Variants in MATN2 observed in about 807,000 individuals in gnomAD.
MATN2 encodes matrilin-2.
Under a neutral mutation model 103.2 loss-of-function variants are expected in MATN2, and 69 were observed. That is an observed-to-expected ratio of 0.67 (90% confidence interval 0.55 to 0.82). MATN2 has a LOEUF of 0.82. Ranked by LOEUF, MATN2 falls within the 40% of genes least tolerant of loss-of-function variation. The probability of loss-of-function intolerance (pLI) is 0.00; values close to 1 mark genes in which losing one functional copy is unlikely to be tolerated. For synonymous variants in MATN2, 429 were observed against 450.2 expected (o/e 0.95, Z 0.60); for missense variants, 1,023 against 1,211.5 (o/e 0.84, Z 2.31).
chr8:98,018,382 T>G (rs1349568088), intron 12 of MATN2, among the ~76,000 whole-genome samples: 1 of 152,148 alleles, frequency 6.6e-6, no homozygotes, highest in Non-Finnish European at 1.5e-5. Context: ...GCTGTGTGGG[T>G]GCCCGGAAAC....
intron 1 of MATN2, among the ~76,000 whole-genome samples, chr8:97,884,896 A>G (rs1404370499): frequency 1.3e-5 from 2 of 152,242 alleles, no homozygotes; most frequent in African/African-American, 2.4e-5. Context: ...ATTCTATATA[A>G]CAATTAGGTC....
chr8:97,918,293 T>C (rs1809700113), intron 2 of MATN2, among the ~76,000 whole-genome samples: 1 of 152,188 alleles, frequency 6.6e-6, no homozygotes, highest in Admixed American at 6.5e-5. Context: ...GTGAGCTTCT[T>C]GAGGCCAGGA....
intron 2 of MATN2, among the ~76,000 whole-genome samples, chr8:97,904,158 G>T (rs1427212394): frequency 6.6e-6 from 1 of 152,176 alleles, no homozygotes; most frequent in Non-Finnish European, 1.5e-5. Context: ...AAAATAAGTT[G>T]TTTTTGTAAA....
intron 7 of MATN2, among the ~76,000 whole-genome samples, chr8:98,002,451 G>A (rs1218971922): frequency 1.1e-4 from 17 of 152,214 alleles, no homozygotes; most frequent in African/African-American, 3.9e-4. Flanking sequence ...ATTTTGCCTT[G>A]TGCCGTCCAA....
intron 12 of MATN2, 46 bp from the exon 13 acceptor site, chr8:98,021,159 C>A: frequency 1.9e-6 from 3 of 1,595,794 alleles, no homozygotes; most frequent in African/African-American, 1.3e-5. Context: ...CAATTCACCT[C>A]ATTTCTACAC....
intron 2 of MATN2, among the ~76,000 whole-genome samples, chr8:97,925,320 A>G (rs909559421): frequency 6.6e-6 from 1 of 152,220 alleles, no homozygotes. Flanking sequence ...TTGTGTACTT[A>G]TAAGCTTGGT....
intron 7 of MATN2, among the ~76,000 whole-genome samples, chr8:98,002,600 C>G (rs930991630): frequency 1.3e-5 from 2 of 152,154 alleles, no homozygotes; most frequent in South Asian, 2.1e-4. Flanking sequence ...GAGCGTGGCT[C>G]TCACCCCAGC....
At chr8:98,021,558 TG>T (rs977623718) in intron 13 of MATN2, among the ~76,000 whole-genome samples, 1 of 152,148 alleles carries the variant, frequency 6.6e-6, no homozygotes, top group Non-Finnish European at 1.5e-5. Flanking sequence ...GATCGTAGGC[TG>T]AACAGCAATG....
At chr8:97,920,861 A>G (rs572605835) in intron 2 of MATN2, among the ~76,000 whole-genome samples, 10 of 152,158 alleles carry the variant, frequency 6.6e-5, no homozygotes, top group Admixed American at 2.6e-4. Flanking sequence ...TGCTGTGTCA[A>G]GAGGAATCCT....
chr8:97,975,315 A>G (rs1285741019), intron 5 of MATN2, among the ~76,000 whole-genome samples: 1 of 152,210 alleles, frequency 6.6e-6, no homozygotes, highest in Non-Finnish European at 1.5e-5. Flanking sequence ...GCCAATTTGG[A>G]TACTCTATTC....
intron 7 of MATN2, among the ~76,000 whole-genome samples, chr8:97,997,383 C>T (rs1420056875): frequency 6.6e-6 from 1 of 152,204 alleles, no homozygotes; most frequent in Non-Finnish European, 1.5e-5. Flanking sequence ...GCCTTAACAC[C>T]CTGTTGCCTC....
chr8:97,915,630 G>A lies in MATN2; in HGVS notation c.143-15323G>A, dbSNP rs541358951. On this transcript the variant is annotated intron_variant, in intron 2 of 18. Coordinates refer to ENST00000254898, the MANE Select transcript of MATN2 (RefSeq NM_002380.5). ...CACCTCCTTCCTCTCCTCTCTTGCA[G>A]CCCAGCCCTGTGTTGCTATTTATTC... is the stretch of plus-strand genomic sequence containing the variant. Among the ~76,000 whole-genome samples, 10 of 152,302 alleles carry A rather than the reference G, an allele frequency of 6.6e-5. No individual in the cohort carries two copies. The East Asian group carries it at 1.5e-3, about 23-fold the overall frequency.
intron 2 of MATN2, among the ~76,000 whole-genome samples, chr8:97,917,145 G>A (rs1809658608): frequency 6.6e-6 from 1 of 152,094 alleles, no homozygotes; most frequent in Admixed American, 6.5e-5. Context: ...CCATTCCCCA[G>A]CACCTTCATA....
At chr8:97,885,913 C>T (rs1818409284) in intron 1 of MATN2, among the ~76,000 whole-genome samples, 1 of 152,210 alleles carries the variant, frequency 6.6e-6, no homozygotes, top group Non-Finnish European at 1.5e-5. Flanking sequence ...TGTTAGGAAC[C>T]AGGCCGCACA....
At chr8:98,033,891 G>A (rs1374751960) in intron 18 of MATN2, 14 of 527,260 alleles carry the variant, frequency 2.7e-5, no homozygotes, top group Non-Finnish European at 3.7e-5. Context: ...GGCTGTTCTC[G>A]GGGGCTTAGC....
At chr8:97,999,290 C>T (rs958260917) in intron 7 of MATN2, among the ~76,000 whole-genome samples, 1 of 152,198 alleles carries the variant, frequency 6.6e-6, no homozygotes, top group African/African-American at 2.4e-5. Context: ...ATTAATGCAG[C>T]TATGAACTTG....
intron 2 of MATN2, among the ~76,000 whole-genome samples, chr8:97,923,565 C>CT (rs33946673): frequency 0.66 from 99,414 of 150,904 alleles, 33,480 homozygotes; most frequent in East Asian, 0.94. Context: ...CTCTGTCTCT[C>CT]TTTTTTTTGA....
At chr8:97,890,969 C>T (rs1163752339) in intron 2 of MATN2, among the ~76,000 whole-genome samples, 2 of 152,178 alleles carry the variant, frequency 1.3e-5, no homozygotes, top group East Asian at 1.9e-4. Flanking sequence ...GAAAAAATAA[C>T]GCATGTATAT....
intron 6 of MATN2, among the ~76,000 whole-genome samples, chr8:97,992,487 C>T (rs1812423648): frequency 6.6e-6 from 1 of 152,000 alleles, no homozygotes; most frequent in Non-Finnish European, 1.5e-5. Context: ...GTGGCTCACT[C>T]CTGTAATCCC....
Sources: gnomAD v4.1 joint callset for allele counts (sites outside exome capture counted in the v4.1 genomes callset) on GRCh38, gnomAD v4.1.1 for gene constraint, MANE v1.5 for transcripts, NCBI Gene and HGNC (gene_info 2026-07-23, HGNC 2026-07-21) for gene names.